The following FRMD5 variants were observed in gnomAD, a reference collection of about 807,000 sequenced individuals.
FRMD5 encodes FERM domain-containing protein 5.
A neutral mutation model predicts 69.0 loss-of-function variants in FRMD5; 20 were observed. The ratio of observed to expected loss-of-function variants is 0.29; its 90% CI spans 0.20 to 0.42. The LOEUF (loss-of-function observed/expected upper bound fraction) is 0.42, where lower values mean the gene tolerates loss of function less well. Among genes scored for constraint, FRMD5 ranks in the 10% least tolerant of loss-of-function variants. The pLI is 1.00. For synonymous variants in FRMD5, 271 were observed against 260.1 expected (o/e 1.04, Z -0.40); for missense variants, 595 against 708.6 (o/e 0.84, Z 1.82).
chr15:43,944,745 G>A (rs1301405901), intron 1 of FRMD5, among the ~76,000 whole-genome samples: 1 of 151,998 alleles, frequency 6.6e-6, no homozygotes, highest in South Asian at 2.1e-4. Flanking sequence ...ACCCGCTACC[G>A]GCTGGGTTCC....
chr15:44,113,823 A>C (rs2615297), intron 1 of FRMD5, among the ~76,000 whole-genome samples: 137,604 of 152,168 alleles, frequency 0.9, 62,704 homozygotes, highest in East Asian at 1. Flanking sequence ...ATCACGACAC[A>C]CTCGCAGATA....
intron 1 of FRMD5, among the ~76,000 whole-genome samples, chr15:44,117,391 G>C (rs2076884240): frequency 6.6e-6 from 1 of 152,126 alleles, no homozygotes; most frequent in Admixed American, 6.5e-5. Context: ...AAAAATTAGA[G>C]AATAAGCCAA....
At chr15:44,005,880 T>C (rs1306532965) in intron 1 of FRMD5, among the ~76,000 whole-genome samples, 1 of 152,110 alleles carries the variant, frequency 6.6e-6, no homozygotes, top group Admixed American at 6.6e-5. Flanking sequence ...TCAAACCATA[T>C]CACCATCTCC....
chr15:43,959,872 A>G (rs983806624), intron 1 of FRMD5, among the ~76,000 whole-genome samples: 9 of 152,270 alleles, frequency 5.9e-5, no homozygotes, highest in East Asian at 3.9e-4. Flanking sequence ...CTGAAAGGGC[A>G]AGTTATTTGC....
chr15:43,918,211 C>T (rs930034471), intron 4 of FRMD5, among the ~76,000 whole-genome samples: 15 of 152,058 alleles, frequency 9.9e-5, no homozygotes, highest in African/African-American at 3.4e-4. Flanking sequence ...GGGTCACGAG[C>T]TCAGGAGTTC....
At chr15:44,104,579 T>C (rs557470698) in intron 1 of FRMD5, among the ~76,000 whole-genome samples, 1 of 152,348 alleles carries the variant, frequency 6.6e-6, no homozygotes, top group African/African-American at 2.4e-5. Flanking sequence ...GATGTTTTAC[T>C]GTACTTTTTT....
intron 1 of FRMD5, among the ~76,000 whole-genome samples, chr15:44,149,144 C>G (rs1312950346): frequency 6.6e-6 from 1 of 151,918 alleles, no homozygotes; most frequent in Non-Finnish European, 1.5e-5. Flanking sequence ...GGAATGGGGA[C>G]AGAACTGTAA....
Position 43,884,604 on chromosome 15 carries a change from TCTG to T in FRMD5, c.1028+120_1028+122del, listed in dbSNP as rs1452713760. ...TCCCTCTGAGAAGTTTCTTCAGCCTTCTGCTCCATTTTGGACTTTTTGGTAGCC... is the reference window on the plus strand; with the variant it reads ...TCCCTCTGAGAAGTTTCTTCAGCCTTCTCCATTTTGGACTTTTTGGTAGCC... On this transcript the variant is annotated intron_variant, in intron 12 of 13. Coordinates refer to ENST00000417257, the MANE Select transcript of FRMD5 (RefSeq NM_032892.5). 2.1e-5 allele frequency: 15 copies of T among 727,420 alleles called. No homozygotes were observed. The Middle Eastern group carries it at 1.1e-3, about 54-fold the overall frequency. 45.1% of individuals were successfully genotyped at this position (727,420 alleles called of 1,614,324 possible). A position where few individuals can be genotyped will look rare whatever the true frequency, so the allele number is the denominator to read the frequency against.
At position 43,954,573 on chromosome 15, in the gene FRMD5, G is replaced by A. The variant is rs553013520; in HGVS notation, c.103-30264C>T. On this transcript the variant is annotated intron_variant, in intron 1 of 13. Coordinates refer to ENST00000417257, the MANE Select transcript of FRMD5 (RefSeq NM_032892.5). ...AAAATGTGTAGGTGATAATGTGTGC[G>A]AGGGGAAAGGGGTTGACTCATCCTG... 3.3e-5 allele frequency among the ~76,000 whole-genome samples: 5 copies of A among 152,300 alleles called. No individual in the cohort carries two copies. In the South Asian group the frequency reaches 8.3e-4, roughly 25 times the overall value.
intron 1 of FRMD5, among the ~76,000 whole-genome samples, chr15:44,188,421 C>G (rs1397737800): frequency 6.6e-6 from 1 of 152,208 alleles, no homozygotes; most frequent in Non-Finnish European, 1.5e-5. Context: ...TCAATCAACA[C>G]TTGTCCATTT....
intron 2 of FRMD5, among the ~76,000 whole-genome samples, chr15:43,921,376 G>A (rs957225923): frequency 1.3e-5 from 2 of 152,212 alleles, no homozygotes; most frequent in Non-Finnish European, 2.9e-5. Flanking sequence ...TATCAGCAGA[G>A]GGCAGATAAA....
intron 1 of FRMD5, among the ~76,000 whole-genome samples, chr15:44,188,987 T>C (rs762402319): frequency 6.6e-6 from 1 of 152,140 alleles, no homozygotes; most frequent in Non-Finnish European, 1.5e-5. Context: ...GTGTTTTCTG[T>C]AGACAAGTGA....
intron 1 of FRMD5, among the ~76,000 whole-genome samples, chr15:43,971,550 G>A (rs2090378264): frequency 6.7e-6 from 1 of 149,632 alleles, no homozygotes; most frequent in Non-Finnish European, 1.5e-5. Context: ...CAGGCATGGT[G>A]GCACGCATCT....
At chr15:44,155,306 C>T (rs539750722) in intron 1 of FRMD5, among the ~76,000 whole-genome samples, 97 of 151,942 alleles carry the variant, frequency 6.4e-4, no homozygotes, top group Admixed American at 1.3e-3. Context: ...GTGGCACGTG[C>T]CTGTAGTCCC....
At chr15:43,977,547 G>A (rs1014348528) in intron 1 of FRMD5, among the ~76,000 whole-genome samples, 1 of 152,026 alleles carries the variant, frequency 6.6e-6, no homozygotes, top group Non-Finnish European at 1.5e-5. Flanking sequence ...AGCAACTGAG[G>A]TTACTCTTTC....
intron 1 of FRMD5, among the ~76,000 whole-genome samples, chr15:44,003,205 T>G (rs974825960): frequency 2.6e-5 from 4 of 152,148 alleles, no homozygotes; most frequent in Non-Finnish European, 5.9e-5. Flanking sequence ...CAAAATGTAT[T>G]CAGAATCTAA....
chr15:44,173,595 G>A (rs749749016), intron 1 of FRMD5, among the ~76,000 whole-genome samples: 2 of 152,080 alleles, frequency 1.3e-5, no homozygotes, highest in African/African-American at 2.4e-5. Context: ...TCAGCTCACT[G>A]TAACCTCCAG....
chr15:43,921,118 G>A (rs771497395), intron 2 of FRMD5, among the ~76,000 whole-genome samples: 12 of 152,308 alleles, frequency 7.9e-5, no homozygotes, highest in East Asian at 1.9e-4. Context: ...ACGGCCCACC[G>A]CGGCTCAGCT....
chr15:43,945,188 T>G (rs2089925749), intron 1 of FRMD5, among the ~76,000 whole-genome samples: 1 of 152,078 alleles, frequency 6.6e-6, no homozygotes, highest in South Asian at 2.1e-4. Flanking sequence ...CTTCCAAGGG[T>G]AGACCCTACA....
Sources: gnomAD v4.1 joint callset for allele counts (sites outside exome capture counted in the v4.1 genomes callset) on GRCh38, gnomAD v4.1.1 for gene constraint, MANE v1.5 for transcripts, NCBI Gene and HGNC (gene_info 2026-07-23, HGNC 2026-07-21) for gene names.